B3GNT2: variants seen among roughly 807,000 people sequenced by gnomAD.
The protein encoded by B3GNT2 is N-acetyllactosaminide beta-1,3-N-acetylglucosaminyltransferase 2.
Under a neutral mutation model 27.6 loss-of-function variants are expected in B3GNT2, and 12 were observed. The observed-to-expected ratio is 0.44, with a 90% confidence interval of 0.28 to 0.71. B3GNT2 has a LOEUF of 0.71. B3GNT2 is among the 30% of genes least tolerant of loss of function. The probability of loss-of-function intolerance (pLI) is 0.17; values close to 1 mark genes in which losing one functional copy is unlikely to be tolerated. For synonymous variants in B3GNT2, 192 were observed against 189.7 expected (o/e 1.01, Z -0.10); for missense variants, 413 against 488.5 (o/e 0.85, Z 1.46).
intron 1 of B3GNT2, among the ~76,000 whole-genome samples, chr2:62,215,076 G>A (rs996646696): frequency 1.3e-5 from 2 of 152,054 alleles, no homozygotes; most frequent in African/African-American, 2.4e-5. Flanking sequence ...TGAGAAAATC[G>A]GCCACACTGG....
At chr2:62,216,737 A>G (rs1001981423) in intron 1 of B3GNT2, among the ~76,000 whole-genome samples, 1 of 152,204 alleles carries the variant, frequency 6.6e-6, no homozygotes, top group African/African-American at 2.4e-5. Flanking sequence ...GTGGGACAGT[A>G]GGAAAATGGG....
At chr2:62,205,812 G>C (rs1674360743) in intron 1 of B3GNT2, 2 of 153,792 alleles carry the variant, frequency 1.3e-5, no homozygotes, top group African/African-American at 4.8e-5. Context: ...TTTGCCACCT[G>C]AGGGACAGGC....
intron 1 of B3GNT2, among the ~76,000 whole-genome samples, chr2:62,215,343 G>C (rs1180426610): frequency 6.6e-6 from 1 of 152,198 alleles, no homozygotes; most frequent in Non-Finnish European, 1.5e-5. Flanking sequence ...TGGTGAGGGA[G>C]TCCAGGGAGT....
chr2:62,221,601 G>A (rs993849852), intron 1 of B3GNT2, among the ~76,000 whole-genome samples: 2 of 152,168 alleles, frequency 1.3e-5, no homozygotes, highest in African/African-American at 4.8e-5. Flanking sequence ...TAGGTTGGGA[G>A]TTTGAGCCCA....
chr2:62,221,870 A>G, intron 1 of B3GNT2: 1 of 532,822 alleles, frequency 1.9e-6, no homozygotes, highest in Non-Finnish European at 3.7e-6. Context: ...TTATTTAGTA[A>G]TAGGTATTTC....
intron 1 of B3GNT2, chr2:62,221,690 G>A (rs1028210704): frequency 3.3e-5 from 11 of 337,828 alleles, no homozygotes; most frequent in African/African-American, 2.5e-4. Flanking sequence ...GAGAACTTGA[G>A]AGTGAATGAC....
intron 1 of B3GNT2, among the ~76,000 whole-genome samples, chr2:62,203,204 G>T (rs1674304178): frequency 6.6e-6 from 1 of 152,146 alleles, no homozygotes; most frequent in Non-Finnish European, 1.5e-5. Context: ...GCTCAAACCA[G>T]GGCAGGGATA....
chr2:62,207,600 C>T (rs770395333), intron 1 of B3GNT2, among the ~76,000 whole-genome samples: 10 of 152,114 alleles, frequency 6.6e-5, no homozygotes, highest in Admixed American at 1.3e-4. Context: ...GAGATGGTTT[C>T]GGGATGAAAC....
chr2:62,220,099 C>T lies in B3GNT2; in HGVS notation c.-9-2113C>T, dbSNP rs147633432. On this transcript the variant is annotated intron_variant, in intron 1 of 1. Transcript: ENST00000301998. Reference sequence around the variant, plus strand: ...GCTTACATTTTAGCAGAATTCAGGCCCCTCTCAATCCTAATCTTGTGACCT... The same window carrying T: ...GCTTACATTTTAGCAGAATTCAGGCTCCTCTCAATCCTAATCTTGTGACCT... Among the ~76,000 whole-genome samples, 63 of 152,334 alleles carry T rather than the reference C, an allele frequency of 4.1e-4. 2 individuals are homozygous for T. The East Asian group carries it at 0.01, about 24-fold the overall frequency.
At chr2:62,220,796 C>T (rs1674677059) in intron 1 of B3GNT2, among the ~76,000 whole-genome samples, 1 of 152,150 alleles carries the variant, frequency 6.6e-6, no homozygotes, top group African/African-American at 2.4e-5. Flanking sequence ...CTTTTTTGGG[C>T]TATCTTTTAA....
chr2:62,206,440 G>A (rs930366023), intron 1 of B3GNT2, among the ~76,000 whole-genome samples: 2 of 152,168 alleles, frequency 1.3e-5, no homozygotes, highest in African/African-American at 2.4e-5. Flanking sequence ...CTAATGGGTG[G>A]GCACTAGGTG....
In B3GNT2 at chr2:62,222,524, G is replaced by T. The variant is rs1674733926; in HGVS notation, c.304G>T (p.Val102Phe). The change falls in exon 2 of 2, where the codon GTC becomes TTC. Residue 102 changes from valine to phenylalanine, a missense_variant. By Grantham distance (50) the Val-to-Phe change is conservative. Transcript: ENST00000301998. The surrounding 1 kb of genome is among the most constrained non-coding windows in gnomAD (Gnocchi z 4.2). The stretch of plus-strand genomic sequence containing the variant: ...GAACTACTGCGAACCTGACCTGAGG[G>T]TCACGTCGGTGGTTACGGGTTTTAA... ...HLNYCEPDLR[V>F]TSVVTGFNNL... The T allele has an allele frequency of 6.2e-7, 1 of 1,614,034 alleles. No homozygotes were observed. The highest frequency in any genetic ancestry group is 1.1e-5 in the South Asian group (1 of 91,088).
chr2:62,201,278 A>G (rs1320042527), intron 1 of B3GNT2, among the ~76,000 whole-genome samples: 2 of 152,226 alleles, frequency 1.3e-5, no homozygotes, highest in African/African-American at 4.8e-5. Flanking sequence ...CTCTCTAAAG[A>G]CAGTCATTGA....
intron 1 of B3GNT2, among the ~76,000 whole-genome samples, chr2:62,218,198 T>A (rs908912725): frequency 6.6e-6 from 1 of 152,220 alleles, no homozygotes; most frequent in Non-Finnish European, 1.5e-5. Flanking sequence ...GATATTTTTA[T>A]GGGGGTCACT....
At position 62,222,184 on chromosome 2, in the gene B3GNT2, G is replaced by C. The variant is rs773914192; in HGVS notation, c.-9-28G>C. 1 of 1,526,282 alleles carries C rather than the reference G, an allele frequency of 6.6e-7. No homozygotes were observed. The highest frequency in any genetic ancestry group is 2.1e-5 in the Admixed American group (1 of 47,304). The allele number at this position is 1,526,282 out of a possible 1,614,324, so 94.5% of individuals were successfully genotyped here. A position where few individuals can be genotyped will look rare whatever the true frequency, so the allele number is the denominator to read the frequency against. On this transcript the variant is annotated intron_variant, in intron 1 of 1. Coordinates refer to ENST00000301998, the MANE Select transcript of B3GNT2 (RefSeq NM_006577.6). This position sits in a 1 kb window ranked among gnomAD's most constrained non-coding sequence, Gnocchi z 4.2. ...TGCAAATGCAAATTGATAAGTAATT[G>C]ATACAATACTCCACCCCTTTATTCC... is the stretch of plus-strand genomic sequence containing the variant.
intron 1 of B3GNT2, among the ~76,000 whole-genome samples, chr2:62,218,151 A>C (rs1290202968): frequency 1.3e-5 from 2 of 152,154 alleles, no homozygotes; most frequent in African/African-American, 4.8e-5. Flanking sequence ...CTGCGATGGG[A>C]ATGTTTAGTC....
intron 1 of B3GNT2, among the ~76,000 whole-genome samples, chr2:62,199,763 C>T (rs1447569062): frequency 6.6e-6 from 1 of 152,230 alleles, no homozygotes; most frequent in African/African-American, 2.4e-5. Context: ...ACCCAGCTGT[C>T]TTTTTCTCCA....
chr2:62,198,584 AAT>A (rs1472572734), intron 1 of B3GNT2, among the ~76,000 whole-genome samples: 1 of 152,234 alleles, frequency 6.6e-6, no homozygotes, highest in Non-Finnish European at 1.5e-5. Flanking sequence ...TTTTGAGGAA[AAT>A]AAGCATGATT....
chr2:62,219,918 G>A (rs1674649519), intron 1 of B3GNT2, among the ~76,000 whole-genome samples: 1 of 152,184 alleles, frequency 6.6e-6, no homozygotes, highest in African/African-American at 2.4e-5. Flanking sequence ...GGAGTCATGA[G>A]TCTCTAGTCT....
Sources: gnomAD v4.1 joint callset for allele counts (sites outside exome capture counted in the v4.1 genomes callset) on GRCh38, gnomAD v4.1.1 for gene constraint, Gnocchi (gnomAD v3.1) non-coding constraint, MANE v1.5 for transcripts, NCBI Gene and HGNC (gene_info 2026-07-23, HGNC 2026-07-21) for gene names.